The following SLC4A10 variants were observed in gnomAD, a reference collection of about 807,000 sequenced individuals.
The protein encoded by SLC4A10 is solute carrier family 4 member 10.
SLC4A10 carries 42 observed loss-of-function variants against 137.7 expected under a neutral mutation model. That is an observed-to-expected ratio of 0.30 (90% CI 0.24 to 0.39). SLC4A10 has a LOEUF of 0.39. SLC4A10 is among the 10% of genes least tolerant of loss of function. The probability of loss-of-function intolerance (pLI) is 1.00; values close to 1 mark genes in which losing one functional copy is unlikely to be tolerated. For synonymous variants in SLC4A10, 474 were observed against 464.1 expected (o/e 1.02, Z -0.27); for missense variants, 925 against 1,355.0 (o/e 0.68, Z 4.98).
In SLC4A10 at chr2:161,679,864, A is replaced by G. The variant is rs953617401; in HGVS notation, c.48+55298A>G. Among the ~76,000 whole-genome samples the G allele has an allele frequency of 2.0e-5, 3 of 151,812 alleles. 1 individual carries two copies. Among genetic ancestry groups the G allele is most frequent in the South Asian group, 4.2e-4 (2 of 4,816 alleles). On this transcript the variant is annotated intron_variant, in intron 1 of 26. Transcript: ENST00000446997. ...ACTGCTTAAATTCTTCAACTTTTTC[A>G]TATTGTTTTGGGGGCAAAATCAAAC... is the stretch of plus-strand genomic sequence containing the variant.
intron 1 of SLC4A10, among the ~76,000 whole-genome samples, chr2:161,715,878 T>A (rs2044812692): frequency 6.6e-6 from 1 of 152,092 alleles, no homozygotes; most frequent in Admixed American, 6.6e-5. Flanking sequence ...CAAATGGTAT[T>A]TCTGGTTGCA....
At chr2:161,683,744 A>G (rs2041107358) in intron 1 of SLC4A10, among the ~76,000 whole-genome samples, 1 of 152,182 alleles carries the variant, frequency 6.6e-6, no homozygotes, top group South Asian at 2.1e-4. Context: ...TTTTTGTTAA[A>G]TGTTATCATT....
chr2:161,657,797 TAAC>T (rs1328407364), intron 1 of SLC4A10, among the ~76,000 whole-genome samples: 1 of 152,044 alleles, frequency 6.6e-6, no homozygotes, highest in Non-Finnish European at 1.5e-5. Flanking sequence ...GCAATTAAAA[TAAC>T]AATCTACAGA....
intron 3 of SLC4A10, among the ~76,000 whole-genome samples, chr2:161,832,525 C>A (rs1348087644): frequency 6.6e-6 from 1 of 152,138 alleles, no homozygotes; most frequent in Non-Finnish European, 1.5e-5. Context: ...TTCTTCTACT[C>A]TATTGCTCAT....
intron 1 of SLC4A10, among the ~76,000 whole-genome samples, chr2:161,687,731 A>C (rs1177202444): frequency 6.6e-6 from 1 of 151,990 alleles, no homozygotes; most frequent in Non-Finnish European, 1.5e-5. Flanking sequence ...CAGGGGGGCA[A>C]TTTCCCCCAT....
intron 2 of SLC4A10, among the ~76,000 whole-genome samples, chr2:161,798,604 C>G (rs2055036734): frequency 6.6e-6 from 1 of 151,520 alleles, no homozygotes; most frequent in Admixed American, 6.6e-5. Flanking sequence ...TGTCAAACAT[C>G]TAGGATTTGT....
chr2:161,823,797 G>A (rs1020351437), intron 3 of SLC4A10, among the ~76,000 whole-genome samples: 2 of 152,200 alleles, frequency 1.3e-5, no homozygotes, highest in Non-Finnish European at 2.9e-5. Context: ...AGACGAAAGT[G>A]CCCAATTCTG....
At position 161,874,022 on chromosome 2, in the gene SLC4A10, G is replaced by T. The variant is rs1056540871; in HGVS notation, c.948+17G>T. ...GAGAGAGAGGTGAGGGCATACTCGG[G>T]CTCTATTTCTACAGTGGTTCAAAGC... On this transcript the variant is annotated intron_variant, in intron 8 of 26. Coordinates refer to ENST00000446997, the MANE Select transcript of SLC4A10 (RefSeq NM_001178015.2). The T allele has an allele frequency of 6.4e-7, 1 of 1,573,322 alleles. No individual in the cohort carries two copies. Among genetic ancestry groups the T allele is most frequent in the Non-Finnish European group, 8.6e-7 (1 of 1,166,758 alleles).
chr2:161,742,835 C>T (rs1240062280), intron 1 of SLC4A10, among the ~76,000 whole-genome samples: 2 of 152,074 alleles, frequency 1.3e-5, no homozygotes, highest in Non-Finnish European at 2.9e-5. Context: ...TCTCATCATA[C>T]TTTTGGTTTG....
At chr2:161,923,030 G>A (rs1688421657) in intron 15 of SLC4A10, among the ~76,000 whole-genome samples, 1 of 152,310 alleles carries the variant, frequency 6.6e-6, no homozygotes, top group South Asian at 2.1e-4. Context: ...TAATGTTGAA[G>A]GGAGTTCTAC....
chr2:161,638,618 C>G (rs2034807754), intron 1 of SLC4A10, among the ~76,000 whole-genome samples: 1 of 151,918 alleles, frequency 6.6e-6, no homozygotes, highest in Non-Finnish European at 1.5e-5. Context: ...GTCTTTTGGG[C>G]TTCCATACAA....
At chr2:161,859,594 C>CTTTTCTTT (rs2060300861) in intron 5 of SLC4A10, among the ~76,000 whole-genome samples, 4 of 47,286 alleles carry the variant, frequency 8.5e-5, no homozygotes, top group East Asian at 1.7e-3. Context: ...CTTTTCTTTT[C>CTTTTCTTT]TTTTTTTTTT....
chr2:161,964,221 G>A lies in SLC4A10; in HGVS notation c.2949G>A (p.Val983=), dbSNP rs538996540. The A allele has an allele frequency of 1.9e-6, 3 of 1,613,536 alleles. No individual in the cohort carries two copies. Among genetic ancestry groups the A allele is most frequent in the African/African-American group, 2.7e-5 (2 of 75,036 alleles). Residue 983 remains valine (V), a synonymous_variant, in exon 22 of 27, where the codon GTG becomes GTA. Transcript: ENST00000446997. ...IYLRHVPLRK[V]HLFTIIQMSC... is the part of the protein sequence containing the mutation. ...TAAGGCACGTACCGCTTCGAAAAGTGCATCTCTTCACAATTATTCAGATGA... is the reference window on the plus strand; with the variant it reads ...TAAGGCACGTACCGCTTCGAAAAGTACATCTCTTCACAATTATTCAGATGA...
chr2:161,903,958 T>C (rs1036595597), intron 12 of SLC4A10, 46 bp from the exon 13 acceptor site: 8 of 1,510,004 alleles, frequency 5.3e-6, no homozygotes, highest in Non-Finnish European at 7.1e-6. Flanking sequence ...GACTTGTGTG[T>C]TTTTTATATT....
At chr2:161,765,625 AG>A (rs1321149804) in intron 1 of SLC4A10, among the ~76,000 whole-genome samples, 5 of 151,358 alleles carry the variant, frequency 3.3e-5, no homozygotes, top group Non-Finnish European at 5.9e-5. Context: ...AAAAAAAAAA[AG>A]TGTATCCTGA....
intron 15 of SLC4A10, among the ~76,000 whole-genome samples, chr2:161,909,661 G>T (rs1227193223): frequency 1.3e-5 from 2 of 152,100 alleles, no homozygotes; most frequent in Non-Finnish European, 2.9e-5. Context: ...AATCTGATTA[G>T]GTATTTCTAT....
chr2:161,657,414 T>C (rs894447171), intron 1 of SLC4A10, among the ~76,000 whole-genome samples: 1 of 152,048 alleles, frequency 6.6e-6, no homozygotes, highest in African/African-American at 2.4e-5. Context: ...TTTCCTAATA[T>C]ATTGTTCTAG....
intron 1 of SLC4A10, among the ~76,000 whole-genome samples, chr2:161,643,456 C>T (rs2035583712): frequency 6.6e-6 from 1 of 152,014 alleles, no homozygotes; most frequent in African/African-American, 2.4e-5. Context: ...ACTTTTAGTT[C>T]AATTTGACTG....
chr2:161,794,734 C>T (rs2054575271), intron 2 of SLC4A10, among the ~76,000 whole-genome samples: 1 of 152,098 alleles, frequency 6.6e-6, no homozygotes, highest in Admixed American at 6.6e-5. Flanking sequence ...TCTCCCTTAC[C>T]CTCCTGCCTC....
Sources: allele counts gnomAD v4.1 joint callset (sites outside exome capture counted in the v4.1 genomes callset), GRCh38; gene constraint gnomAD v4.1.1; transcripts MANE v1.5; gene names NCBI Gene and HGNC (gene_info 2026-07-23, HGNC 2026-07-21).